Variants in SH3PXD2B observed in about 807,000 individuals in gnomAD.
The protein encoded by SH3PXD2B is SH3 and PX domains 2B, also known as SH3 and PX domain-containing protein 2B.
A neutral mutation model predicts 73.1 loss-of-function variants in SH3PXD2B; 37 were observed. The ratio of observed to expected loss-of-function variants is 0.51; its 90% CI spans 0.39 to 0.67. SH3PXD2B has a LOEUF of 0.67. Among genes scored for constraint, SH3PXD2B ranks in the 30% least tolerant of loss-of-function variants. SH3PXD2B has a pLI of 0.00. For synonymous variants in SH3PXD2B, 457 were observed against 480.5 expected, an observed-to-expected ratio of 0.95 and a Z score of 0.64; for missense variants, 1,053 against 1,197.8, an observed-to-expected ratio of 0.88 and a Z score of 1.78.
At chr5:172,447,503 A>T (rs556373975) in intron 1 of SH3PXD2B, among the ~76,000 whole-genome samples, 51 of 152,338 alleles carry the variant, frequency 3.3e-4, no homozygotes, top group African/African-American at 1.2e-3. Context: ...ATAGTTTACC[A>T]TTATCAAACC....
intron 3 of SH3PXD2B, among the ~76,000 whole-genome samples, chr5:172,400,607 C>T (rs531352831): frequency 6.6e-6 from 1 of 152,320 alleles, no homozygotes; most frequent in South Asian, 2.1e-4. Flanking sequence ...TGTCTGTTGT[C>T]CCCACTACCG....
Position 172,333,706 on chromosome 5 carries a change from A to G in SH3PXD2B, c.*4663T>C. Reference sequence around the variant, plus strand: ...GCCAATTTGCCAAGAGGGTAGAGTAAGTGTGGGGATCTCCAGCGTCATCCT... The same window carrying G: ...GCCAATTTGCCAAGAGGGTAGAGTAGGTGTGGGGATCTCCAGCGTCATCCT... On this transcript the variant is annotated 3_prime_UTR_variant, in exon 13 of 13. Transcript: ENST00000311601. 1 of 1,289,484 alleles carries G rather than the reference A, an allele frequency of 7.8e-7. No homozygotes were observed. Among genetic ancestry groups the G allele is most frequent in the African/African-American group, 1.5e-5 (1 of 66,002 alleles). 79.9% of individuals were successfully genotyped at this position (1,289,484 alleles called of 1,614,324 possible).
intron 8 of SH3PXD2B, among the ~76,000 whole-genome samples, chr5:172,355,734 C>T (rs182654502): frequency 0.014 from 2,180 of 152,018 alleles, 17 homozygotes; most frequent in South Asian, 0.024. Context: ...TTAGTAGAGA[C>T]GGGGTTTCAC....
rs756816525 is a variant in SH3PXD2B at position 172,346,172 on chromosome 5, T to G, written c.1152A>C (p.Pro384=). Residue 384 remains proline (P), a synonymous_variant, in exon 12 of 13, where the codon CCA becomes CCC. Coordinates refer to ENST00000311601, the MANE Select transcript of SH3PXD2B (RefSeq NM_001017995.3). The part of the protein sequence containing the change: ...YTIAEFQTTI[P]DGISFQAGLK... Reference sequence around the variant, plus strand: ...GGCCTGCCTGGAAGCTGATGCCGTCTGGGATGGTTGTCTGGAATTCGGCGA... The same window carrying G: ...GGCCTGCCTGGAAGCTGATGCCGTCGGGGATGGTTGTCTGGAATTCGGCGA... 1.2e-6 allele frequency: 2 copies of G among 1,614,010 alleles called. No homozygotes were observed. The highest frequency in any genetic ancestry group is 2.7e-5 in the African/African-American group (2 of 74,910).
In SH3PXD2B at chr5:172,421,789, C is replaced by T. The variant is rs1758967942; in HGVS notation, c.156+627G>A. Among the ~76,000 whole-genome samples the T allele has an allele frequency of 6.6e-6, 1 of 152,196 alleles. No individual in the cohort carries two copies. The highest frequency in any genetic ancestry group is 2.4e-5 in the African/African-American group (1 of 41,442). ...CTGAATGGCCCCAAAAGTCTAGACA[C>T]ACTCAACAAACCCAGCTCACCAGCA... On this transcript the variant is annotated intron_variant, in intron 2 of 12. Coordinates refer to ENST00000311601, the MANE Select transcript of SH3PXD2B (RefSeq NM_001017995.3). The surrounding 1 kb of genome is among the most constrained non-coding windows in gnomAD (Gnocchi z 4.0).
intron 2 of SH3PXD2B, among the ~76,000 whole-genome samples, chr5:172,419,855 A>G (rs1485083358): frequency 2.0e-5 from 3 of 152,232 alleles, no homozygotes; most frequent in Non-Finnish European, 4.4e-5. Context: ...CTCTGAAAGC[A>G]AAATACAGGT....
chr5:172,407,317 T>C (rs542617982), intron 2 of SH3PXD2B, among the ~76,000 whole-genome samples: 1 of 152,324 alleles, frequency 6.6e-6, no homozygotes, highest in East Asian at 1.9e-4. Context: ...CATGTGTCAC[T>C]TCAGGGTGGA....
At chr5:172,388,193 G>A (rs575326729) in intron 4 of SH3PXD2B, among the ~76,000 whole-genome samples, 11 of 152,252 alleles carry the variant, frequency 7.2e-5, no homozygotes, top group African/African-American at 2.2e-4. Context: ...AGAGCAGAAA[G>A]TTTCTTCCAT....
At chr5:172,378,123 C>A (rs906259230) in intron 5 of SH3PXD2B, among the ~76,000 whole-genome samples, 1 of 152,214 alleles carries the variant, frequency 6.6e-6, no homozygotes, top group Non-Finnish European at 1.5e-5. Context: ...CGAGGGCTGG[C>A]TCACACCCTT....
chr5:172,375,002 T>C (rs1757792105), intron 5 of SH3PXD2B, among the ~76,000 whole-genome samples: 3 of 152,194 alleles, frequency 2.0e-5, no homozygotes, highest in Admixed American at 2.0e-4. Flanking sequence ...GTAGCACAGC[T>C]AGAATTGGAA....
downstream of SH3PXD2B, among the ~76,000 whole-genome samples, chr5:172,332,637 G>A (rs1363451602): frequency 6.6e-6 from 1 of 152,020 alleles, no homozygotes. Flanking sequence ...CAAGAAGGTT[G>A]TTATATTGTT....
intron 6 of SH3PXD2B, among the ~76,000 whole-genome samples, chr5:172,365,083 G>C (rs1757484968): frequency 6.6e-6 from 1 of 152,192 alleles, no homozygotes; most frequent in Non-Finnish European, 1.5e-5. Context: ...GAGGGTAACA[G>C]GGAAATGGGA....
In SH3PXD2B at chr5:172,368,470, A is replaced by ATATATATATATAAAATATATATATAT. The variant is rs1561907840; in HGVS notation, c.427+5294_427+5319dup. 5.2e-3 allele frequency among the ~76,000 whole-genome samples: 127 copies of ATATATATATATAAAATATATATATAT among 24,520 alleles called. 21 individuals carry two copies. The highest frequency in any genetic ancestry group is 7.0e-3 in the Non-Finnish European group (109 of 15,604). The allele number at this position is 24,520 out of a possible 152,430, so 16.1% of individuals were successfully genotyped here. On this transcript the variant is annotated intron_variant, in intron 6 of 12. Transcript: ENST00000311601. ...AAGAATGCTTATATATATATATATT[A>ATATATATATATAAAATATATATATAT]TATATATATATAAAATATATATATA...
intron 5 of SH3PXD2B, among the ~76,000 whole-genome samples, chr5:172,381,426 G>A (rs561989392): frequency 3.9e-5 from 6 of 152,344 alleles, no homozygotes; most frequent in East Asian, 1.9e-4. Context: ...GTGTTGGTGC[G>A]TAAGTGCGGG....
intron 4 of SH3PXD2B, among the ~76,000 whole-genome samples, chr5:172,390,536 A>C (rs1758157946): frequency 6.6e-6 from 1 of 152,054 alleles, no homozygotes; most frequent in Non-Finnish European, 1.5e-5. Flanking sequence ...GGCTCAAGCC[A>C]CTGTGGCACG....
intron 3 of SH3PXD2B, among the ~76,000 whole-genome samples, chr5:172,396,685 G>A (rs1457089254): frequency 4.1e-5 from 6 of 146,270 alleles, no homozygotes; most frequent in African/African-American, 1.5e-4. Context: ...GGTGGCTCAC[G>A]CCTGTAATCC....
At position 172,335,851 on chromosome 5, in the gene SH3PXD2B, T is replaced by C; in HGVS notation, c.*2518A>G. ...TACAGACGTCCTCAGGCCATAGATA[T>C]GACTCAAGGAGAGAACAGTGAACAG... On this transcript the variant is annotated 3_prime_UTR_variant, in exon 13 of 13. Transcript: ENST00000311601. 1 of 1,226,932 alleles carries C rather than the reference T, an allele frequency of 8.2e-7. No individual in the cohort carries two copies. Among genetic ancestry groups the C allele is most frequent in the Non-Finnish European group, 1.0e-6 (1 of 985,572 alleles). 76.0% of individuals were successfully genotyped at this position (1,226,932 alleles called of 1,614,324 possible). A position where few individuals can be genotyped will look rare whatever the true frequency, so the allele number is the denominator to read the frequency against.
chr5:172,365,212 C>T (rs920140237), intron 6 of SH3PXD2B, among the ~76,000 whole-genome samples: 6 of 152,162 alleles, frequency 3.9e-5, no homozygotes, highest in East Asian at 3.9e-4. Flanking sequence ...TTCAGAAGAT[C>T]GGGCAGGAAG....
Position 172,346,214 on chromosome 5 carries a change from C to A in SH3PXD2B, c.1110G>T (p.Glu370Asp). The A allele has an allele frequency of 1.2e-6, 2 of 1,614,136 alleles. No individual in the cohort carries two copies. Among genetic ancestry groups the A allele is most frequent in the Non-Finnish European group, 1.7e-6 (2 of 1,180,030 alleles). Residue 370 changes from glutamate to aspartate, a missense_variant, in exon 12 of 13, where the codon GAG (glutamate) becomes GAT (aspartate). Glu to Asp is a conservative substitution (Grantham distance 45, BLOSUM62 2). Transcript: ENST00000311601. ...LPKPPIPPQVEEEYYTIAEFQ... is the reference protein window; with the variant it reads ...LPKPPIPPQVDEEYYTIAEFQ... ...ATTCGGCGATGGTGTAATACTCTTCCTCCACTTGGGGCGGGATGGGCGGCT... is the reference window on the plus strand; with the variant it reads ...ATTCGGCGATGGTGTAATACTCTTCATCCACTTGGGGCGGGATGGGCGGCT...
Sources: allele counts gnomAD v4.1 joint callset (sites outside exome capture counted in the v4.1 genomes callset), GRCh38; gene constraint gnomAD v4.1.1; non-coding constraint Gnocchi (gnomAD v3.1); transcripts MANE v1.5; gene names NCBI Gene and HGNC (gene_info 2026-07-23, HGNC 2026-07-21).